The following CDK10 variants were observed in gnomAD, a reference collection of about 807,000 sequenced individuals.
CDK10 encodes cyclin dependent kinase 10, also known as cyclin-dependent kinase 10.
CDK10 carries 55 observed loss-of-function variants against 51.0 expected under a neutral mutation model. The ratio of observed to expected loss-of-function variants is 1.08; its 90% CI spans 0.87 to 1.35. The LOEUF (loss-of-function observed/expected upper bound fraction) is 1.35, where lower values mean the gene tolerates loss of function less well. CDK10 is among the 40% of genes most tolerant of loss of function. The probability of loss-of-function intolerance (pLI) is 0.00; values close to 1 mark genes in which losing one functional copy is unlikely to be tolerated. For synonymous variants in CDK10, 255 were observed against 199.1 expected (o/e 1.28, Z -2.36); for missense variants, 589 against 485.1 (o/e 1.21, Z -2.01).
intron 5 of CDK10, 96 bp downstream of exon 5, chr16:89,691,983 C>A: frequency 1.1e-6 from 1 of 948,904 alleles, no homozygotes; most frequent in Non-Finnish European, 1.6e-6. Context: ...ACTTGAAGAG[C>A]TGCTGCTGCC....
rs757738900 is a variant in CDK10 at position 89,695,576 on chromosome 16, T to C, written c.986-19T>C. 2 of 1,594,402 alleles carry C rather than the reference T, an allele frequency of 1.3e-6. No homozygotes were observed. The highest frequency in any genetic ancestry group is 2.3e-5 in the East Asian group (1 of 43,538). On this transcript the variant is annotated intron_variant, in intron 12 of 12. Transcript: ENST00000353379. ...TCTGGGGCCCTGCCCCGCCCAGCACTGAACCCTTCTCCCTGCAGCCTGTGA... is the reference window on the plus strand; with the variant it reads ...TCTGGGGCCCTGCCCCGCCCAGCACCGAACCCTTCTCCCTGCAGCCTGTGA...
At chr16:89,687,106 CG>C in intron 1 of CDK10, 1 of 257,090 alleles carries the variant, frequency 3.9e-6, no homozygotes, top group South Asian at 1.2e-4. Context: ...GTTCAGCGCC[CG>C]AGCTGGGCTT....
rs1483754823 is a variant in CDK10 at position 89,694,813 on chromosome 16, G to A, written c.792+25G>A. ...GGTGGGCGTCCTGGGCAGACCCGCA[G>A]CCCCCGCCCGTGCCCACGCCCTCTG... On this transcript the variant is annotated intron_variant, in intron 10 of 12. Coordinates refer to ENST00000353379, the MANE Select transcript of CDK10 (RefSeq NM_052988.5). 3 of 1,208,028 alleles carry A rather than the reference G, an allele frequency of 2.5e-6. No homozygotes were observed. The African/African-American group carries it at 5.1e-5, about 20-fold the overall frequency. 74.8% of individuals were successfully genotyped at this position (1,208,028 alleles called of 1,614,324 possible).
chr16:89,688,508 T>G (rs1302870944), intron 1 of CDK10, among the ~76,000 whole-genome samples: 1 of 152,200 alleles, frequency 6.6e-6, no homozygotes, highest in Non-Finnish European at 1.5e-5. Flanking sequence ...AGCAGTTGTT[T>G]TGCACAGGTG....
At position 89,691,497 on chromosome 16, in the gene CDK10, C is replaced by T. The variant is rs55819627; in HGVS notation, c.287C>T (p.Pro96Leu). Residue 96 changes from proline (P) to leucine (L), a missense_variant, in exon 4 of 13, where the codon CCG (proline) becomes CTG (leucine). Pro to Leu is a moderately conservative substitution (Grantham distance 98). Coordinates refer to ENST00000353379, the MANE Select transcript of CDK10 (RefSeq NM_052988.5). ...ACGCTGCTGCTCCGCCTGCGTCATC[C>T]GAACATCGTGGAGCTGAAGGAGGTG... ...EITLLLRLRH[P>L]NIVELKEVVV... The T allele has an allele frequency of 1.5e-3, 2,385 of 1,613,892 alleles. 42 individuals are homozygous for T. In the African/African-American group the frequency reaches 0.029, roughly 20 times the overall value.
At chr16:89,688,586 A>T (rs1341815629) in intron 1 of CDK10, among the ~76,000 whole-genome samples, 2 of 152,038 alleles carry the variant, frequency 1.3e-5, no homozygotes, top group Non-Finnish European at 2.9e-5. Flanking sequence ...GCTTCCTTTC[A>T]CCTGGAAGTC....
At position 89,691,558 on chromosome 16, in the gene CDK10, C is replaced by T; in HGVS notation, c.335+13C>T. On this transcript the variant is annotated intron_variant, in intron 4 of 12. Transcript: ENST00000353379. Reference sequence around the variant, plus strand: ...ACCACCTGGAGAGGTACGTGGTCTCCTGGTCTGCACATTGGGCCCTAGGGA... The same window carrying T: ...ACCACCTGGAGAGGTACGTGGTCTCTTGGTCTGCACATTGGGCCCTAGGGA... 6.2e-7 allele frequency: 1 copy of T among 1,602,558 alleles called. No individual in the cohort carries two copies. The highest frequency in any genetic ancestry group is 8.5e-7 in the Non-Finnish European group (1 of 1,170,590).
At position 89,696,106 on chromosome 16, in the gene CDK10, C is replaced by A; in HGVS notation, c.*414C>A. 2 of 476,724 alleles carry A rather than the reference C, an allele frequency of 4.2e-6. No individual in the cohort carries two copies. Among genetic ancestry groups the A allele is most frequent in the Non-Finnish European group, 3.9e-6 (1 of 258,584 alleles). 29.5% of individuals were successfully genotyped at this position (476,724 alleles called of 1,614,324 possible). On this transcript the variant is annotated 3_prime_UTR_variant, in exon 13 of 13. Transcript: ENST00000353379. ...ACCTTCGTATCCCCTCTCAGTCGCC[C>A]GGGGCTGTCCCGTGCATGGGTTGGC...
rs916706525 is a variant in CDK10 at position 89,696,160 on chromosome 16, A to T, written c.*468A>T. 2.6e-6 allele frequency: 1 copy of T among 381,616 alleles called. No homozygotes were observed. Among genetic ancestry groups the T allele is most frequent in the African/African-American group, 2.1e-5 (1 of 48,490 alleles). The allele number at this position is 381,616 out of a possible 1,614,324, so 23.6% of individuals were successfully genotyped here. On this transcript the variant is annotated 3_prime_UTR_variant, in exon 13 of 13. Coordinates refer to ENST00000353379, the MANE Select transcript of CDK10 (RefSeq NM_052988.5). Reference sequence around the variant, plus strand: ...GGGGACCCCAGGTGGGCCTGGCAGGACTCCAGATGAGGACAAGAGGGACAA... The same window carrying T: ...GGGGACCCCAGGTGGGCCTGGCAGGTCTCCAGATGAGGACAAGAGGGACAA...
rs747571351 is a variant in CDK10 at position 89,692,520 on chromosome 16, G to T, written c.485+4G>T. On this transcript the variant is annotated splice_donor_region_variant and intron_variant, in intron 6 of 12. Transcript: ENST00000353379. The stretch of plus-strand genomic sequence containing the variant: ...ACAGGAACTTCATTATCCACAGGTG[G>T]GTGACAGCTAGGCAGAGTTGGAAGC... 1.3e-6 allele frequency: 2 copies of T among 1,583,952 alleles called. No individual in the cohort carries two copies. The highest frequency in any genetic ancestry group is 2.4e-5 in the East Asian group (1 of 41,884).
At chr16:89,687,733 T>C in intron 1 of CDK10, 1 of 377,548 alleles carries the variant, frequency 2.6e-6, no homozygotes, top group South Asian at 1.9e-5. Context: ...CAGCCTGGCC[T>C]GGCATTTCTT....
chr16:89,692,169 C>G (rs1225969650), intron 5 of CDK10: 5 of 560,930 alleles, frequency 8.9e-6, no homozygotes, highest in Non-Finnish European at 1.6e-5. Flanking sequence ...CACTGGTTTC[C>G]TGGGCTGCTG....
rs747623527 is a variant in CDK10 at position 89,686,744 on chromosome 16, C to T, written c.34C>T (p.Arg12Cys). ...AEPDLECEQI[R>C]LKCIRKEGFF... ...GCCAGATCTGGAGTGCGAGCAGATCCGTCTGAAGTGTATTCGTAAGGAGGG... is the reference window on the plus strand; with the variant it reads ...GCCAGATCTGGAGTGCGAGCAGATCTGTCTGAAGTGTATTCGTAAGGAGGG... The change falls in exon 1 of 13, where the codon CGT becomes TGT. Residue 12 changes from arginine to cysteine, a missense_variant. Coordinates refer to ENST00000353379, the MANE Select transcript of CDK10 (RefSeq NM_052988.5). The T allele has an allele frequency of 2.1e-5, 34 of 1,612,270 alleles. No homozygotes were observed. Among genetic ancestry groups the T allele is most frequent in the Admixed American group, 5.0e-5 (3 of 59,890 alleles).
intron 9 of CDK10, 25 bp from the exon 10 acceptor site, chr16:89,694,640 C>T (rs758865178): frequency 6.3e-7 from 1 of 1,575,354 alleles, no homozygotes. Context: ...CGTCTGGCCG[C>T]AGTGAGGTCC....
chr16:89,695,920 C>G lies in CDK10; in HGVS notation c.*228C>G. 1.1e-6 allele frequency: 1 copy of G among 903,104 alleles called. No homozygotes were observed. The highest frequency in any genetic ancestry group is 1.7e-6 in the Non-Finnish European group (1 of 585,236). The allele number at this position is 903,104 out of a possible 1,614,324, so 55.9% of individuals were successfully genotyped here. ...TCCCAGCCCGTGCACCCTGGAAGGG[C>G]AGGTCTGGCGGCTCCATCCGTGGCT... On this transcript the variant is annotated 3_prime_UTR_variant, in exon 13 of 13. Transcript: ENST00000353379.
In CDK10 at chr16:89,691,872, C is replaced by T. The variant is rs943803592; in HGVS notation, c.402C>T (p.Pro134=). 6.2e-7 allele frequency: 1 copy of T among 1,613,900 alleles called. No individual in the cohort carries two copies. The highest frequency in any genetic ancestry group is 8.5e-7 in the Non-Finnish European group (1 of 1,179,968). Residue 134 remains proline (P), a synonymous_variant, in exon 5 of 13, where the codon CCC becomes CCT. Coordinates refer to ENST00000353379, the MANE Select transcript of CDK10 (RefSeq NM_052988.5). ...LASLLENMPT[P]FSEAQVKCIV... Reference sequence around the variant, plus strand: ...GCCTCCTGGAGAATATGCCAACACCCTTCTCGGAGGCTCAGGTGCGTGGCA... The same window carrying T: ...GCCTCCTGGAGAATATGCCAACACCTTTCTCGGAGGCTCAGGTGCGTGGCA...
Position 89,695,861 on chromosome 16 carries a change from GC to G in CDK10, c.*174del. 1 of 1,477,274 alleles carries G rather than the reference GC, an allele frequency of 6.8e-7. No homozygotes were observed. The allele number at this position is 1,477,274 out of a possible 1,614,324, so 91.5% of individuals were successfully genotyped here. A position where few individuals can be genotyped will look rare whatever the true frequency, so the allele number is the denominator to read the frequency against. Reference sequence around the variant, plus strand: ...CACTGTCTGCCCTGAACCCACTGCTGCCCCCAGAAAAAGGCCGGGTGACACC... The same window carrying G: ...CACTGTCTGCCCTGAACCCACTGCTGCCCCAGAAAAAGGCCGGGTGACACC... On this transcript the variant is annotated 3_prime_UTR_variant, in exon 13 of 13. Coordinates refer to ENST00000353379, the MANE Select transcript of CDK10 (RefSeq NM_052988.5).
At chr16:89,686,848 C>A (rs746819394) in intron 1 of CDK10, 51 bp downstream of exon 1, 18 of 1,501,968 alleles carry the variant, frequency 1.2e-5, no homozygotes, top group Non-Finnish European at 1.7e-5. Flanking sequence ...AGCGGCACTG[C>A]CCGGCTGGGT....
At position 89,691,553 on chromosome 16, in the gene CDK10, G is replaced by T. The variant is rs751005431; in HGVS notation, c.335+8G>T. On this transcript the variant is annotated splice_region_variant and intron_variant, in intron 4 of 12. Coordinates refer to ENST00000353379, the MANE Select transcript of CDK10 (RefSeq NM_052988.5). ...GGGGAACCACCTGGAGAGGTACGTG[G>T]TCTCCTGGTCTGCACATTGGGCCCT... The T allele has an allele frequency of 2.5e-6, 4 of 1,604,914 alleles. No homozygotes were observed. Among genetic ancestry groups the T allele is most frequent in the South Asian group, 2.2e-5 (2 of 90,608 alleles).
Sources: gnomAD v4.1 joint callset for allele counts (sites outside exome capture counted in the v4.1 genomes callset) on GRCh38, gnomAD v4.1.1 for gene constraint, MANE v1.5 for transcripts, NCBI Gene and HGNC (gene_info 2026-07-23, HGNC 2026-07-21) for gene names.